Variants in MYOZ3 observed in about 807,000 individuals in gnomAD.
MYOZ3 encodes myozenin 3.
In MYOZ3, 19 loss-of-function variants were observed where a neutral mutation model predicts 26.5. The ratio of observed to expected loss-of-function variants is 0.72; its 90% CI spans 0.50 to 1.05. The LOEUF (loss-of-function observed/expected upper bound fraction) is 1.05. Among genes scored for constraint, MYOZ3 ranks in the 50% least tolerant of loss-of-function variants. The pLI, the probability that MYOZ3 is intolerant of heterozygous loss-of-function variation, is 0.00. For missense variants in MYOZ3, 322 were observed against 337.1 expected (o/e 0.96, Z 0.35); for synonymous variants, 135 against 138.8 (o/e 0.97, Z 0.19).
chr5:150,667,284 C>T (rs1211850970), intron 2 of MYOZ3, among the ~76,000 whole-genome samples: 1 of 152,306 alleles, frequency 6.6e-6, no homozygotes, highest in Non-Finnish European at 1.5e-5. Flanking sequence ...GGCAACCCCT[C>T]TTCTCAAACC....
At position 150,676,906 on chromosome 5, in the gene MYOZ3, C is replaced by A. The variant is rs112408743; in HGVS notation, c.*31C>A. 3 of 1,583,846 alleles carry A rather than the reference C, an allele frequency of 1.9e-6. No individual in the cohort carries two copies. Among genetic ancestry groups the A allele is most frequent in the East Asian group, 4.5e-5 (2 of 44,470 alleles). ...GCCTGAATCTTCAGTTCCCCAGTCT[C>A]GGGGGCCTGGTAACATCCGGAGCCA... On this transcript the variant is annotated 3_prime_UTR_variant, in exon 7 of 7. Coordinates refer to ENST00000517768, the MANE Select transcript of MYOZ3 (RefSeq NM_001122853.3).
chr5:150,672,587 G>A (rs1315617496), intron 6 of MYOZ3, 85 bp downstream of exon 6: 3 of 1,445,902 alleles, frequency 2.1e-6, no homozygotes, highest in Non-Finnish European at 9.2e-7. Context: ...CGTTTCCTGA[G>A]CACTTTCTGC....
rs1486439842 is a variant in MYOZ3 at position 150,670,635 on chromosome 5, G to A, written c.213G>A (p.Arg71=). The A allele has an allele frequency of 2.5e-6, 4 of 1,607,680 alleles. No individual in the cohort carries two copies. Among genetic ancestry groups the A allele is most frequent in the Non-Finnish European group, 3.4e-6 (4 of 1,175,482 alleles). The change falls in exon 3 of 7, where the codon CGG becomes CGA. Residue 71 remains arginine (R), a synonymous_variant. Transcript: ENST00000517768. ...KFTFELAASQ[R]AMLAGSARRK... ...CTTTCGAGTTAGCAGCCAGCCAGCG[G>A]GCGGTGAGTAAGCCACCATTGTGCT...
chr5:150,664,798 A>T (rs555119780), intron 2 of MYOZ3, among the ~76,000 whole-genome samples: 269 of 149,262 alleles, frequency 1.8e-3, no homozygotes, highest in South Asian at 9.2e-3. Flanking sequence ...ATCACTTTTT[A>T]AAAAAAAAAT....
At chr5:150,672,090 G>C (rs1758925047) in intron 5 of MYOZ3, 182 bp downstream of exon 5, 2 of 1,128,262 alleles carry the variant, frequency 1.8e-6, no homozygotes, top group Admixed American at 4.0e-5. Context: ...AGGTCACACA[G>C]CGAGTCAGCC....
Position 150,671,173 on chromosome 5 carries a change from C to G in MYOZ3, c.217-424C>G, listed in dbSNP as rs1581535064. Among the ~76,000 whole-genome samples, 4 of 152,270 alleles carry G rather than the reference C, an allele frequency of 2.6e-5. No homozygotes were observed. In the South Asian group the frequency reaches 8.3e-4, roughly 32 times the overall value. On this transcript the variant is annotated intron_variant, in intron 3 of 6. Transcript: ENST00000517768. The stretch of plus-strand genomic sequence containing the variant: ...CCCTCCACTTAATTTCTGGGCTAGA[C>G]AGGAGGCAACTGAGAGGGAGTGATG...
At chr5:150,672,267 G>A (rs1167109793) in intron 5 of MYOZ3, 73 bp from the exon 6 acceptor site, 14 of 1,544,404 alleles carry the variant, frequency 9.1e-6, no homozygotes, top group Non-Finnish European at 1.2e-5. Context: ...TCCGCGGAAT[G>A]GGGGTGGGGC....
chr5:150,671,352 T>C (rs1758906046), intron 3 of MYOZ3: 1 of 556,028 alleles, frequency 1.8e-6, no homozygotes, highest in Non-Finnish European at 3.2e-6. Context: ...GAGAAGGACA[T>C]TGAGGCTCAG....
intron 3 of MYOZ3, chr5:150,671,331 C>A (rs182369998): frequency 1.9e-6 from 1 of 530,472 alleles, no homozygotes; most frequent in Non-Finnish European, 3.4e-6. Context: ...CACCATCATC[C>A]TCATTCTATC....
intron 6 of MYOZ3, among the ~76,000 whole-genome samples, chr5:150,674,664 C>T (rs1758975521): frequency 6.6e-6 from 1 of 152,210 alleles, no homozygotes; most frequent in Non-Finnish European, 1.5e-5. Context: ...CCCACTGGTC[C>T]CAGGCTGCTG....
intron 1 of MYOZ3, 26 bp from the exon 2 acceptor site, chr5:150,662,915 C>T: frequency 6.2e-7 from 1 of 1,604,372 alleles, no homozygotes; most frequent in East Asian, 2.2e-5. Context: ...CAGCCTGGTC[C>T]ATTTATGGGG....
intron 2 of MYOZ3, among the ~76,000 whole-genome samples, chr5:150,665,277 C>T (rs1561668356): frequency 3.3e-5 from 5 of 152,108 alleles, no homozygotes; most frequent in African/African-American, 1.2e-4. Context: ...GTGGGCTCAG[C>T]GGCTGTCCAG....
At chr5:150,665,018 CTT>C (rs1180549807) in intron 2 of MYOZ3, among the ~76,000 whole-genome samples, 9 of 141,570 alleles carry the variant, frequency 6.4e-5, no homozygotes, top group Admixed American at 7.1e-5. Flanking sequence ...TGTTCTTTGG[CTT>C]TTTTTTTTTT....
Position 150,671,854 on chromosome 5 carries a change from C to A in MYOZ3, c.370C>A (p.His124Asn). The change falls in exon 5 of 7, where the codon CAC (histidine) becomes AAC (asparagine). Residue 124 changes from histidine (H) to asparagine (N), a missense_variant. His to Asn is a moderately conservative substitution (Grantham distance 68). Transcript: ENST00000517768. ...GASLGGPEGA[H>N]PAAAPAGCVP... ...CTCACTCGGGGGTCCCGAGGGCGCC[C>A]ACCCTGCAGCCGCCCCTGCTGGGTG... 6.2e-7 allele frequency: 1 copy of A among 1,602,464 alleles called. No individual in the cohort carries two copies. Among genetic ancestry groups the A allele is most frequent in the East Asian group, 2.3e-5 (1 of 44,336 alleles).
At chr5:150,666,510 A>C (rs953832399) in intron 2 of MYOZ3, among the ~76,000 whole-genome samples, 2 of 151,132 alleles carry the variant, frequency 1.3e-5, no homozygotes, top group African/African-American at 4.9e-5. Context: ...GTTACTTGCG[A>C]GACTGAGGCA....
Position 150,676,543 on chromosome 5 carries a change from C to CAAAAAA in MYOZ3, c.588-149_588-144dup, listed in dbSNP as rs749959393. Among the ~76,000 whole-genome samples, 111 of 57,970 alleles carry CAAAAAA rather than the reference C, an allele frequency of 1.9e-3. 2 individuals carry two copies. Among genetic ancestry groups the CAAAAAA allele is most frequent in the East Asian group, 7.9e-3 (14 of 1,782 alleles). 38.0% of individuals were successfully genotyped at this position (57,970 alleles called of 152,430 possible). ...TGGGTGACAGAGCGAGACTCTGTCT[C>CAAAAAA]AAAAAAAAAAAAAAAAAAAAGATGT... On this transcript the variant is annotated intron_variant, in intron 6 of 6. Transcript: ENST00000517768.
chr5:150,669,633 C>CTT (rs532402882), intron 2 of MYOZ3, among the ~76,000 whole-genome samples: 500 of 47,724 alleles, frequency 0.01, 124 homozygotes, highest in African/African-American at 0.021. Flanking sequence ...CCCATATATG[C>CTT]TTTTTTTTTT....
chr5:150,666,854 C>T (rs1758819513), intron 2 of MYOZ3, among the ~76,000 whole-genome samples: 1 of 151,668 alleles, frequency 6.6e-6, no homozygotes, highest in Non-Finnish European at 1.5e-5. Context: ...TTCACCTCCA[C>T]CTTCAAGTGA....
rs938984756 is a variant in MYOZ3 at position 150,678,003 on chromosome 5, G to C, written c.*1128G>C. ...CACGGGTGCAGGGTGTTCTGCAGAA[G>C]GGAGAAGGCTGTGCTAGAGGAGCCA... On this transcript the variant is annotated 3_prime_UTR_variant, in exon 7 of 7. Coordinates refer to ENST00000517768, the MANE Select transcript of MYOZ3 (RefSeq NM_001122853.3). The C allele has an allele frequency of 6.6e-6, 1 of 152,348 alleles. No individual in the cohort carries two copies. Among genetic ancestry groups the C allele is most frequent in the Non-Finnish European group, 1.5e-5 (1 of 68,172 alleles). 9.4% of individuals were successfully genotyped at this position (152,348 alleles called of 1,614,324 possible).
Sources: gnomAD v4.1 joint callset for allele counts (sites outside exome capture counted in the v4.1 genomes callset) on GRCh38, gnomAD v4.1.1 for gene constraint, MANE v1.5 for transcripts, NCBI Gene and HGNC (gene_info 2026-07-23, HGNC 2026-07-21) for gene names.